CCDC122: variants seen among roughly 807,000 people sequenced by gnomAD.
The protein encoded by CCDC122 is coiled-coil domain containing 122.
CCDC122 carries 38 observed loss-of-function variants against 37.0 expected under a neutral mutation model. The ratio of observed to expected loss-of-function variants is 1.03; its 90% CI spans 0.79 to 1.35. The LOEUF (loss-of-function observed/expected upper bound fraction) is 1.35. Ranked by LOEUF, CCDC122 falls within the 40% of genes most tolerant of loss-of-function variation. CCDC122 has a pLI of 0.00. For missense variants in CCDC122, 305 were observed against 310.0 expected, an observed-to-expected ratio of 0.98 and a Z score of 0.12; for synonymous variants, 83 against 95.6, an observed-to-expected ratio of 0.87 and a Z score of 0.77.
chr13:43,828,103 G>A (rs1007663689), intron 3 of CCDC122, among the ~76,000 whole-genome samples: 1 of 152,092 alleles, frequency 6.6e-6, no homozygotes, highest in East Asian at 1.9e-4. Flanking sequence ...CCCATGGAAA[G>A]GCTTTTTTTC....
At chr13:43,828,952 A>T (rs7330760) in intron 3 of CCDC122, among the ~76,000 whole-genome samples, 76,861 of 151,922 alleles carry the variant, frequency 0.51, 20,715 homozygotes, top group Non-Finnish European at 0.62. Flanking sequence ...TTTGAAGTCC[A>T]GGGCAAAAAA....
At chr13:43,868,597 TA>T in intron 4 of CCDC122, 96 bp downstream of exon 4, 1 of 623,436 alleles carries the variant, frequency 1.6e-6, no homozygotes, top group Non-Finnish European at 2.6e-6. Context: ...AGAATAACTT[TA>T]AAAGTGACTC....
chr13:43,840,136 C>T (rs1273501991), intron 6 of CCDC122, among the ~76,000 whole-genome samples: 1 of 152,096 alleles, frequency 6.6e-6, no homozygotes, highest in African/African-American at 2.4e-5. Context: ...ATCTTGTCTA[C>T]CTATTGAGTT....
downstream of CCDC122, among the ~76,000 whole-genome samples, chr13:43,833,742 A>G (rs146607220): frequency 2.0e-5 from 3 of 150,336 alleles, no homozygotes; most frequent in East Asian, 6.0e-4. Flanking sequence ...TCAGAAAATG[A>G]CATTTGGTGC....
chr13:43,873,571 T>C (rs893150197), intron 2 of CCDC122, among the ~76,000 whole-genome samples: 7 of 152,204 alleles, frequency 4.6e-5, no homozygotes, highest in Non-Finnish European at 1.0e-4. Context: ...TGATGTTTCA[T>C]AGGCCCTTTG....
At position 43,871,494 on chromosome 13, in the gene CCDC122, C is replaced by G. The variant is rs372612004; in HGVS notation, c.-113-2005G>C. ...CATAATTCCCATTAAATTCTACATC[C>G]CTATTAACTTCAGTCTTCAGAAGAA... On this transcript the variant is annotated intron_variant, in intron 2 of 6. Coordinates refer to ENST00000444614, the MANE Select transcript of CCDC122 (RefSeq NM_144974.5). 1.2e-3 allele frequency among the ~76,000 whole-genome samples: 190 copies of G among 152,146 alleles called. 2 individuals are homozygous for G. Among genetic ancestry groups the G allele is most frequent in the African/African-American group, 4.5e-3 (186 of 41,496 alleles).
chr13:43,829,591 C>T (rs920418134), intron 3 of CCDC122, among the ~76,000 whole-genome samples: 10 of 152,024 alleles, frequency 6.6e-5, no homozygotes, highest in African/African-American at 2.4e-4. Flanking sequence ...CAGGTGTGAG[C>T]CAACATGCCC....
chr13:43,847,072 T>G (rs762191734), intron 6 of CCDC122, among the ~76,000 whole-genome samples: 2 of 152,210 alleles, frequency 1.3e-5, no homozygotes, highest in Non-Finnish European at 2.9e-5. Flanking sequence ...TGGAAAACAC[T>G]TAAATGTTCA....
chr13:43,826,002 C>T (rs1953036902), intron 3 of CCDC122, among the ~76,000 whole-genome samples: 1 of 152,184 alleles, frequency 6.6e-6, no homozygotes, highest in South Asian at 2.1e-4. Context: ...TTGGTCTGGA[C>T]ATGGGCTAAA....
At chr13:43,859,430 T>C (rs994863574) in intron 5 of CCDC122, among the ~76,000 whole-genome samples, 4 of 152,098 alleles carry the variant, frequency 2.6e-5, no homozygotes, top group East Asian at 3.9e-4. Context: ...TATTTGACCA[T>C]GTAGTTTTAT....
downstream of CCDC122, among the ~76,000 whole-genome samples, chr13:43,835,270 T>C (rs1953134473): frequency 6.6e-6 from 1 of 151,822 alleles, no homozygotes; most frequent in Non-Finnish European, 1.5e-5. Flanking sequence ...TGAGAACACA[T>C]GGACACAGGA....
chr13:43,877,771 A>C (rs994764248), intron 1 of CCDC122: 1 of 152,236 alleles, frequency 6.6e-6, no homozygotes. Context: ...TATTTTTTCA[A>C]ACTTAATTAT....
At chr13:43,864,722 G>A (rs1954219596) in intron 4 of CCDC122, among the ~76,000 whole-genome samples, 1 of 152,100 alleles carries the variant, frequency 6.6e-6, no homozygotes, top group South Asian at 2.1e-4. Context: ...CATGAGGGTT[G>A]GAGGGGACAA....
intron 6 of CCDC122, among the ~76,000 whole-genome samples, chr13:43,851,434 T>C (rs1377066636): frequency 6.6e-6 from 1 of 152,152 alleles, no homozygotes; most frequent in African/African-American, 2.4e-5. Context: ...TGGACACAGA[T>C]CTGTGCCTGC....
chr13:43,851,145 A>G (rs1366325147), intron 6 of CCDC122, among the ~76,000 whole-genome samples: 1 of 152,198 alleles, frequency 6.6e-6, no homozygotes, highest in African/African-American at 2.4e-5. Flanking sequence ...TCTCACATGA[A>G]AAAAATAAAA....
At chr13:43,854,350 C>G (rs1451345147) in intron 6 of CCDC122, 1 of 152,164 alleles carries the variant, frequency 6.6e-6, no homozygotes, top group Non-Finnish European at 1.5e-5. Context: ...ATGAACACCC[C>G]TACACACATA....
chr13:43,841,224 AT>A (rs765865763), intron 6 of CCDC122, among the ~76,000 whole-genome samples: 1 of 152,090 alleles, frequency 6.6e-6, no homozygotes, highest in African/African-American at 2.4e-5. Context: ...TTTAAGGCAT[AT>A]TTTTTTCATT....
intron 6 of CCDC122, among the ~76,000 whole-genome samples, chr13:43,848,446 A>T (rs1053745519): frequency 6.6e-6 from 1 of 152,072 alleles, no homozygotes; most frequent in Non-Finnish European, 1.5e-5. Context: ...TGAACTAGAA[A>T]CCACTGATTG....
chr13:43,829,086 T>C (rs1953064911), intron 3 of CCDC122, among the ~76,000 whole-genome samples: 1 of 152,216 alleles, frequency 6.6e-6, no homozygotes, highest in Admixed American at 6.5e-5. Context: ...ATATATCATG[T>C]TATTATTGAC....
Sources: gnomAD v4.1 joint callset for allele counts (sites outside exome capture counted in the v4.1 genomes callset) on GRCh38, gnomAD v4.1.1 for gene constraint, MANE v1.5 for transcripts, NCBI Gene and HGNC (gene_info 2026-07-23, HGNC 2026-07-21) for gene names.